EXOC6B: variants seen among roughly 807,000 people sequenced by gnomAD.
EXOC6B encodes the protein exocyst complex component 6B.
EXOC6B carries 54 observed loss-of-function variants against 113.5 expected under a neutral mutation model. The observed-to-expected ratio is 0.48, with a 90% CI of 0.38 to 0.60. The LOEUF is 0.60. EXOC6B is among the 20% of genes least tolerant of loss of function. EXOC6B has a pLI of 0.00. For missense variants in EXOC6B, 797 were observed against 977.5 expected (o/e 0.82, Z 2.46); for synonymous variants, 357 against 339.0 (o/e 1.05, Z -0.58).
At chr2:72,196,062 C>T (rs58925332) in intron 20 of EXOC6B, among the ~76,000 whole-genome samples, 3,401 of 152,220 alleles carry the variant, frequency 0.022, 116 homozygotes, top group African/African-American at 0.077. Context: ...AATTTTTATA[C>T]ACACAACTAT....
chr2:72,218,153 A>G (rs958817966), intron 20 of EXOC6B, among the ~76,000 whole-genome samples: 9 of 152,182 alleles, frequency 5.9e-5, no homozygotes, highest in Non-Finnish European at 1.2e-4. Context: ...AAAACAATTT[A>G]CATACTTGCC....
intron 20 of EXOC6B, among the ~76,000 whole-genome samples, chr2:72,245,761 A>G (rs1427734911): frequency 6.6e-6 from 1 of 152,204 alleles, no homozygotes; most frequent in African/African-American, 2.4e-5. Flanking sequence ...TGTACAATAC[A>G]AAGAACAGAC....
intron 18 of EXOC6B, among the ~76,000 whole-genome samples, chr2:72,403,918 T>A (rs1378042731): frequency 2.6e-5 from 4 of 152,064 alleles, no homozygotes; most frequent in South Asian, 2.1e-4. Flanking sequence ...AGGCATCGCC[T>A]CACCCAGGAA....
At chr2:72,700,465 T>C (rs1678239990) in intron 6 of EXOC6B, among the ~76,000 whole-genome samples, 1 of 152,212 alleles carries the variant, frequency 6.6e-6, no homozygotes, top group African/African-American at 2.4e-5. Flanking sequence ...TTTTCTTCTC[T>C]GCTTAGAGGT....
intron 17 of EXOC6B, among the ~76,000 whole-genome samples, chr2:72,476,650 CT>C (rs1043642338): frequency 3.7e-5 from 4 of 109,280 alleles, no homozygotes; most frequent in Admixed American, 8.2e-5. Context: ...TTTTCTTTTC[CT>C]TTTTTTAGTT....
intron 19 of EXOC6B, among the ~76,000 whole-genome samples, chr2:72,341,063 T>C (rs1376297176): frequency 6.6e-6 from 1 of 152,192 alleles, no homozygotes; most frequent in Non-Finnish European, 1.5e-5. Flanking sequence ...CTGAGTATAC[T>C]TGTCTAAGTA....
At chr2:72,303,560 G>A (rs895563186) in intron 20 of EXOC6B, among the ~76,000 whole-genome samples, 2 of 151,580 alleles carry the variant, frequency 1.3e-5, no homozygotes, top group South Asian at 4.2e-4. Context: ...TTTTATATAG[G>A]CTATTTTGTC....
intron 14 of EXOC6B, 43 bp downstream of exon 14, chr2:72,496,411 A>G (rs1700034972): frequency 1.6e-6 from 2 of 1,218,328 alleles, no homozygotes; most frequent in Admixed American, 4.0e-5. Flanking sequence ...TTTTAAGAGG[A>G]TGCCAAAACA....
chr2:72,727,612 T>C (rs1011411941), intron 5 of EXOC6B, among the ~76,000 whole-genome samples: 4 of 152,296 alleles, frequency 2.6e-5, no homozygotes, highest in African/African-American at 7.2e-5. Context: ...TGTGGTTGCA[T>C]AGAAGAATGT....
At chr2:72,565,162 G>A (rs1460142012) in intron 7 of EXOC6B, among the ~76,000 whole-genome samples, 2 of 151,934 alleles carry the variant, frequency 1.3e-5, no homozygotes, top group Admixed American at 1.3e-4. Flanking sequence ...ACCAGCCTGT[G>A]CAACATGACG....
rs957264978 is a variant in EXOC6B at position 72,434,333 on chromosome 2, C to T, written c.1980+30827G>A. On this transcript the variant is annotated intron_variant, in intron 18 of 21. Coordinates refer to ENST00000272427, the MANE Select transcript of EXOC6B (RefSeq NM_015189.3). ...GTATTTTATTGAGGATTTTTTGCAT[C>T]GATGTTCATCAAGGATATTGACCTG... 3.9e-5 allele frequency among the ~76,000 whole-genome samples: 6 copies of T among 152,058 alleles called. No individual in the cohort carries two copies. In the South Asian group the frequency reaches 1.0e-3, roughly 26 times the overall value.
At chr2:72,390,072 G>A (rs568103179) in intron 18 of EXOC6B, among the ~76,000 whole-genome samples, 9 of 152,186 alleles carry the variant, frequency 5.9e-5, no homozygotes, top group East Asian at 1.9e-4. Context: ...GTGACAGAGC[G>A]AGACTCTGTC....
intron 20 of EXOC6B, among the ~76,000 whole-genome samples, chr2:72,265,381 C>T (rs960441215): frequency 2.0e-5 from 3 of 149,960 alleles, no homozygotes; most frequent in Admixed American, 1.3e-4. Context: ...TTAGGTATAT[C>T]TCCTAATGCT....
chr2:72,817,528 G>T (rs1322484715), intron 1 of EXOC6B, among the ~76,000 whole-genome samples: 1 of 152,134 alleles, frequency 6.6e-6, no homozygotes, highest in African/African-American at 2.4e-5. Flanking sequence ...CTATATGCCA[G>T]GCACCCTTTG....
Position 72,825,965 on chromosome 2 carries a change from C to T in EXOC6B, c.-55G>A. 2 of 1,594,736 alleles carry T rather than the reference C, an allele frequency of 1.3e-6. No homozygotes were observed. The highest frequency in any genetic ancestry group is 1.1e-5 in the South Asian group (1 of 89,808). On this transcript the variant is annotated 5_prime_UTR_variant, in exon 1 of 22. Transcript: ENST00000272427. This position sits in a 1 kb window ranked among gnomAD's most constrained non-coding sequence, Gnocchi z 4.4. ...TCCGTCGGCTCGGCTCACCTTTTCC[C>T]TGCCCCACAATGCCGCTCCCACCAC...
intron 1 of EXOC6B, among the ~76,000 whole-genome samples, chr2:72,790,718 A>G (rs1030689173): frequency 3.3e-5 from 5 of 152,238 alleles, no homozygotes; most frequent in African/African-American, 1.2e-4. Flanking sequence ...AGTAGCTGAC[A>G]ATATAAATCT....
intron 20 of EXOC6B, among the ~76,000 whole-genome samples, chr2:72,326,777 AGTTTC>A (rs1688151043): frequency 6.6e-6 from 1 of 151,200 alleles, no homozygotes; most frequent in Admixed American, 6.6e-5. Context: ...TTTTGCCATT[AGTTTC>A]AATGGCAAAA....
chr2:72,452,023 G>A (rs1696951273), intron 18 of EXOC6B, among the ~76,000 whole-genome samples: 1 of 152,072 alleles, frequency 6.6e-6, no homozygotes, highest in African/African-American at 2.4e-5. Flanking sequence ...ACACCAATTT[G>A]CAGGCTCAAA....
At chr2:72,451,890 A>G (rs1696942724) in intron 18 of EXOC6B, among the ~76,000 whole-genome samples, 1 of 152,132 alleles carries the variant, frequency 6.6e-6, no homozygotes, top group Non-Finnish European at 1.5e-5. Context: ...GTATATTAAA[A>G]TTGTGGCTAT....
Sources: allele counts gnomAD v4.1 joint callset (sites outside exome capture counted in the v4.1 genomes callset), GRCh38; gene constraint gnomAD v4.1.1; non-coding constraint Gnocchi (gnomAD v3.1); transcripts MANE v1.5; gene names NCBI Gene and HGNC (gene_info 2026-07-23, HGNC 2026-07-21).